The following RNF130 variants were observed in gnomAD, a reference collection of about 807,000 sequenced individuals.
RNF130 encodes the protein ring finger protein 130, also known as E3 ubiquitin-protein ligase RNF130.
In RNF130, 21 loss-of-function variants were observed where a neutral mutation model predicts 44.6. The observed-to-expected ratio is 0.47, with a 90% CI of 0.33 to 0.68. The LOEUF (loss-of-function observed/expected upper bound fraction) is 0.68. Among genes scored for constraint, RNF130 ranks in the 30% least tolerant of loss-of-function variants. The pLI is 0.02. For missense variants in RNF130, 479 were observed against 560.6 expected (o/e 0.85, Z 1.47); for synonymous variants, 214 against 210.4 (o/e 1.02, Z -0.15).
chr5:179,974,734 G>A (rs186569731), intron 5 of RNF130, among the ~76,000 whole-genome samples: 1 of 152,372 alleles, frequency 6.6e-6, no homozygotes. Flanking sequence ...AACTGGACTG[G>A]GAAATGCGAG....
At chr5:179,930,896 G>C (rs895205760) in intron 7 of RNF130, among the ~76,000 whole-genome samples, 3 of 151,896 alleles carry the variant, frequency 2.0e-5, no homozygotes, top group African/African-American at 7.3e-5. Flanking sequence ...AAAAAAAGTA[G>C]CTGGGCGTGG....
chr5:179,999,945 T>C (rs1763296748), intron 3 of RNF130, among the ~76,000 whole-genome samples: 1 of 152,230 alleles, frequency 6.6e-6, no homozygotes, highest in African/African-American at 2.4e-5. Context: ...TCTCTCCTAT[T>C]GTTTATCATT....
intron 7 of RNF130, 33 bp downstream of exon 7, chr5:179,966,773 A>T (rs1031918298): frequency 6.3e-7 from 1 of 1,592,250 alleles, no homozygotes; most frequent in African/African-American, 1.3e-5. Flanking sequence ...AGGCAGCCAC[A>T]TGCCCTGTGC....
intron 5 of RNF130, among the ~76,000 whole-genome samples, chr5:179,973,592 G>A (rs984125490): frequency 5.9e-5 from 9 of 152,206 alleles, no homozygotes; most frequent in Non-Finnish European, 1.0e-4. Context: ...CATCACACGG[G>A]CAGAGCGGCC....
intron 8 of RNF130, among the ~76,000 whole-genome samples, chr5:179,960,305 G>A (rs948686738): frequency 1.5e-4 from 23 of 152,120 alleles, no homozygotes; most frequent in African/African-American, 5.6e-4. Context: ...TATTTGCAAA[G>A]TTTCAAAATT....
downstream of RNF130, among the ~76,000 whole-genome samples, chr5:179,951,188 A>AAGCCCC (rs1762118890): frequency 6.6e-6 from 1 of 152,172 alleles, no homozygotes; most frequent in Admixed American, 6.5e-5. Flanking sequence ...CCTAACAACA[A>AAGCCCC]AGCCCCAAAC....
At chr5:179,974,042 C>T (rs560286799) in intron 5 of RNF130, among the ~76,000 whole-genome samples, 5 of 152,086 alleles carry the variant, frequency 3.3e-5, no homozygotes, top group Non-Finnish European at 5.9e-5. Context: ...GGAGGGGAGG[C>T]CTCTATATTG....
intron 1 of RNF130, among the ~76,000 whole-genome samples, chr5:180,050,984 C>T (rs997522479): frequency 2.0e-5 from 3 of 151,548 alleles, no homozygotes; most frequent in Non-Finnish European, 2.9e-5. Context: ...TTGTATTTAC[C>T]CCAACATGAG....
chr5:179,970,586 T>C (rs1762559795), intron 5 of RNF130, 80 bp from the exon 6 acceptor site: 2 of 1,077,404 alleles, frequency 1.9e-6, no homozygotes, highest in Middle Eastern at 2.0e-4. Flanking sequence ...AGGGAATTTT[T>C]AGTTAAGTTT....
chr5:179,980,196 C>A lies in RNF130; in HGVS notation c.698G>T (p.Arg233Leu), dbSNP rs564466939. ...YTNARDRNQR[R>L]LGDAAKKAIS... ...GGCTTTCTTGGCTGCATCTCCGAGA[C>A]GACGCTATGAAAATTGCAAATAAAA... The change falls in exon 4 of 9, where the codon CGT becomes CTT. Residue 233 changes from arginine (R) to leucine (L), a missense_variant. Arg to Leu is a moderately radical substitution (Grantham distance 102, BLOSUM62 -2). Coordinates refer to ENST00000521389, the MANE Select transcript of RNF130 (RefSeq NM_018434.6). The A allele has an allele frequency of 1.2e-6, 2 of 1,613,738 alleles. No homozygotes were observed. The highest frequency in any genetic ancestry group is 1.7e-5 in the Admixed American group (1 of 59,988).
chr5:180,043,033 T>G (rs1052381189), intron 1 of RNF130, among the ~76,000 whole-genome samples: 4 of 152,226 alleles, frequency 2.6e-5, no homozygotes, highest in African/African-American at 9.6e-5. Context: ...AGTAATGCTT[T>G]CTGGCCAGGC....
intron 7 of RNF130, chr5:179,939,763 G>T: frequency 2.3e-6 from 1 of 429,532 alleles, no homozygotes; most frequent in South Asian, 1.9e-5. Flanking sequence ...CCCCTCCCTT[G>T]GCGACTCCTT....
At chr5:179,997,801 CTTCA>C (rs1763239048) in intron 3 of RNF130, among the ~76,000 whole-genome samples, 1 of 150,796 alleles carries the variant, frequency 6.6e-6, no homozygotes, top group South Asian at 2.1e-4. Flanking sequence ...CTGATTTGAA[CTTCA>C]TTATTTTTTT....
At chr5:180,016,142 G>A (rs576041447) in intron 2 of RNF130, among the ~76,000 whole-genome samples, 48 of 152,050 alleles carry the variant, frequency 3.2e-4, no homozygotes, top group African/African-American at 1.1e-3. Context: ...ACGAAAGCCC[G>A]CCACCAACTT....
chr5:180,069,052 T>G (rs192101864), intron 1 of RNF130, among the ~76,000 whole-genome samples: 1 of 152,376 alleles, frequency 6.6e-6, no homozygotes, highest in Admixed American at 6.5e-5. Flanking sequence ...ATTCCAATTT[T>G]AAATCATTTT....
intron 3 of RNF130, among the ~76,000 whole-genome samples, chr5:179,995,777 T>C (rs929266366): frequency 5.9e-5 from 9 of 152,242 alleles, no homozygotes; most frequent in African/African-American, 2.2e-4. Flanking sequence ...TTTCTGTTTT[T>C]AGCCAGACTC....
At chr5:180,041,637 G>C (rs566900377) in intron 1 of RNF130, among the ~76,000 whole-genome samples, 1 of 152,332 alleles carries the variant, frequency 6.6e-6, no homozygotes, top group South Asian at 2.1e-4. Context: ...CAAAGGTAGA[G>C]TCTGCAGACT....
chr5:180,015,467 G>GGGAAAGGAGTA lies in RNF130; in HGVS notation c.443-2167_443-2157dup, dbSNP rs1763696097. The GGGAAAGGAGTA allele has an allele frequency of 8.2e-5, 33 of 403,960 alleles. 1 individual carries two copies. Among genetic ancestry groups the GGGAAAGGAGTA allele is most frequent in the African/African-American group, 4.6e-4 (22 of 48,068 alleles). The allele number at this position is 403,960 out of a possible 1,614,324, so 25.0% of individuals were successfully genotyped here. A position where few individuals can be genotyped will look rare whatever the true frequency, so the allele number is the denominator to read the frequency against. On this transcript the variant is annotated intron_variant, in intron 2 of 8. Coordinates refer to ENST00000521389, the MANE Select transcript of RNF130 (RefSeq NM_018434.6). ...TGGAAAAGGAGTAGGGAAAGGAGTA[G>GGGAAAGGAGTA]GGAAAGGAGTAGGGAAAGGAGTAGG...
In RNF130 at chr5:180,005,383, C is replaced by T. The variant is rs545274088; in HGVS notation, c.693+7678G>A. 2.6e-5 allele frequency among the ~76,000 whole-genome samples: 4 copies of T among 152,136 alleles called. No homozygotes were observed. The South Asian group carries it at 6.2e-4, about 24-fold the overall frequency. On this transcript the variant is annotated intron_variant, in intron 3 of 8. Transcript: ENST00000521389. ...GCGGAGCTTGCAGTGAGCTGTTAAT[C>T]GAGCCACTGTACTCCAGCCTGGGCG... is the stretch of plus-strand genomic sequence containing the variant.
Sources: allele counts gnomAD v4.1 joint callset (sites outside exome capture counted in the v4.1 genomes callset), GRCh38; gene constraint gnomAD v4.1.1; transcripts MANE v1.5; gene names NCBI Gene and HGNC (gene_info 2026-07-23, HGNC 2026-07-21).